The following ST8SIA2 variants were observed in gnomAD, a reference collection of about 807,000 sequenced individuals.
ST8SIA2 encodes ST8 alpha-N-acetyl-neuraminide alpha-2,8-sialyltransferase 2, also known as alpha-2,8-sialyltransferase 8B.
In ST8SIA2, 22 loss-of-function variants were observed where a neutral mutation model predicts 37.6. The ratio of observed to expected loss-of-function variants is 0.58; its 90% CI spans 0.42 to 0.83. The LOEUF is 0.83. Among genes scored for constraint, ST8SIA2 ranks in the 40% least tolerant of loss-of-function variants. The pLI is 0.00. For missense variants in ST8SIA2, 382 were observed against 484.7 expected (o/e 0.79, Z 1.99); for synonymous variants, 205 against 201.2 (o/e 1.02, Z -0.16).
At chr15:92,401,286 C>G (rs976987982) in intron 1 of ST8SIA2, among the ~76,000 whole-genome samples, 1 of 152,334 alleles carries the variant, frequency 6.6e-6, no homozygotes, top group South Asian at 2.1e-4. Context: ...CTGACCGCCC[C>G]TGGGCTTGCT....
chr15:92,423,944 G>A (rs1026873586), intron 1 of ST8SIA2, among the ~76,000 whole-genome samples: 1 of 152,234 alleles, frequency 6.6e-6, no homozygotes, highest in Non-Finnish European at 1.5e-5. Flanking sequence ...TTGTAGTCAT[G>A]TGACTGACCC....
chr15:92,425,467 C>T (rs1490921639), intron 1 of ST8SIA2, among the ~76,000 whole-genome samples: 2 of 152,210 alleles, frequency 1.3e-5, no homozygotes, highest in East Asian at 1.9e-4. Flanking sequence ...CTGTGCAAGG[C>T]TAAGAAAGTG....
chr15:92,408,320 C>A (rs2049523237), intron 1 of ST8SIA2, among the ~76,000 whole-genome samples: 1 of 152,024 alleles, frequency 6.6e-6, no homozygotes, highest in Non-Finnish European at 1.5e-5. Flanking sequence ...AGCTCCCTAC[C>A]TCTCTCTGGC....
intron 2 of ST8SIA2, among the ~76,000 whole-genome samples, chr15:92,431,401 A>G (rs2049714728): frequency 6.6e-6 from 1 of 152,184 alleles, no homozygotes; most frequent in African/African-American, 2.4e-5. Flanking sequence ...ATAATACTGC[A>G]GTGTCTTCTT....
At chr15:92,433,997 G>A (rs1046326550) in intron 2 of ST8SIA2, among the ~76,000 whole-genome samples, 1 of 152,052 alleles carries the variant, frequency 6.6e-6, no homozygotes, top group Non-Finnish European at 1.5e-5. Flanking sequence ...AATCACTAGG[G>A]GCAGGGGAAG....
At chr15:92,463,900 C>T (rs1206867979) in intron 5 of ST8SIA2, among the ~76,000 whole-genome samples, 200 bp from the exon 6 acceptor site, 3 of 151,906 alleles carry the variant, frequency 2.0e-5, no homozygotes, top group Non-Finnish European at 4.4e-5. Context: ...TGTCTGTGAC[C>T]GCATCCAGGC....
intron 1 of ST8SIA2, among the ~76,000 whole-genome samples, chr15:92,418,614 G>A (rs2049607084): frequency 6.6e-6 from 1 of 152,118 alleles, no homozygotes; most frequent in African/African-American, 2.4e-5. Flanking sequence ...TCCTGTCTGG[G>A]ACAAGAATGA....
intron 1 of ST8SIA2, among the ~76,000 whole-genome samples, chr15:92,427,725 T>G (rs1239176133): frequency 1.3e-5 from 2 of 152,208 alleles, no homozygotes; most frequent in African/African-American, 4.8e-5. Context: ...AGCTCCTCCC[T>G]GTAATCCCAG....
At chr15:92,446,682 A>G (rs1478323360) in intron 5 of ST8SIA2, among the ~76,000 whole-genome samples, 1 of 152,232 alleles carries the variant, frequency 6.6e-6, no homozygotes, top group Non-Finnish European at 1.5e-5. Context: ...ATACTTTTAA[A>G]TGGTGCTATC....
In ST8SIA2 at chr15:92,431,549, G is replaced by A. The variant is rs545825271; in HGVS notation, c.161+1438G>A. Among the ~76,000 whole-genome samples the A allele has an allele frequency of 2.2e-4, 33 of 152,206 alleles. No individual in the cohort carries two copies. The South Asian group carries it at 6.4e-3, about 30-fold the overall frequency. On this transcript the variant is annotated intron_variant, in intron 2 of 5. Transcript: ENST00000268164. Reference sequence around the variant, plus strand: ...TGGCATGAAAAGAAGGTCACTGGGAGTGAAGTTCAGGAGTCGGGAGGTGAA... The same window carrying A: ...TGGCATGAAAAGAAGGTCACTGGGAATGAAGTTCAGGAGTCGGGAGGTGAA...
At chr15:92,400,356 A>C (rs1375009461) in intron 1 of ST8SIA2, among the ~76,000 whole-genome samples, 1 of 152,208 alleles carries the variant, frequency 6.6e-6, no homozygotes, top group African/African-American at 2.4e-5. Context: ...AAGCCTATTA[A>C]ATATTTTTTG....
intron 1 of ST8SIA2, chr15:92,417,783 G>A (rs1027951489): frequency 3.3e-5 from 5 of 152,220 alleles, no homozygotes; most frequent in African/African-American, 4.8e-5. Context: ...AAGCAATGGC[G>A]GATTGCATGA....
At chr15:92,437,448 G>A (rs2049766744) in intron 3 of ST8SIA2, among the ~76,000 whole-genome samples, 2 of 152,100 alleles carry the variant, frequency 1.3e-5, no homozygotes, top group Non-Finnish European at 1.5e-5. Context: ...TAGATGATTC[G>A]ATTCGAGAAC....
chr15:92,430,146 G>A, intron 2 of ST8SIA2, 35 bp downstream of exon 2: 2 of 1,602,352 alleles, frequency 1.2e-6, no homozygotes, highest in African/African-American at 1.3e-5. Context: ...ATTTGTTTTT[G>A]CTGTAAGGCA....
intron 2 of ST8SIA2, among the ~76,000 whole-genome samples, chr15:92,432,254 G>A (rs2049721360): frequency 6.6e-6 from 1 of 152,182 alleles, no homozygotes; most frequent in Non-Finnish European, 1.5e-5. Flanking sequence ...TGCCTACTGA[G>A]GTAGGCTTCA....
chr15:92,432,587 G>A lies in ST8SIA2; in HGVS notation c.162-1660G>A, dbSNP rs867536635. ...ACCCAATGCGTCTTGCATGAAAACAGTAAAAATTCCAAAGGGTTAGGTCTT... is the reference window on the plus strand; with the variant it reads ...ACCCAATGCGTCTTGCATGAAAACAATAAAAATTCCAAAGGGTTAGGTCTT... On this transcript the variant is annotated intron_variant, in intron 2 of 5. Coordinates refer to ENST00000268164, the MANE Select transcript of ST8SIA2 (RefSeq NM_006011.4). Among the ~76,000 whole-genome samples, 12 of 152,296 alleles carry A rather than the reference G, an allele frequency of 7.9e-5. 1 individual carries two copies. Among genetic ancestry groups the A allele is most frequent in the Admixed American group, 6.5e-5 (1 of 15,296 alleles).
At chr15:92,408,862 T>C (rs552512533) in intron 1 of ST8SIA2, among the ~76,000 whole-genome samples, 28 of 152,120 alleles carry the variant, frequency 1.8e-4, no homozygotes, top group Non-Finnish European at 2.1e-4. Flanking sequence ...TGCGCCACCA[T>C]GCCCGGCTAA....
chr15:92,449,289 C>T (rs1056276006), intron 5 of ST8SIA2, among the ~76,000 whole-genome samples: 9 of 152,174 alleles, frequency 5.9e-5, no homozygotes, highest in African/African-American at 1.7e-4. Flanking sequence ...CTTAGGATTA[C>T]GGCCTCTAGT....
At chr15:92,432,550 T>G (rs965089288) in intron 2 of ST8SIA2, among the ~76,000 whole-genome samples, 18 of 152,186 alleles carry the variant, frequency 1.2e-4, no homozygotes, top group African/African-American at 4.1e-4. Flanking sequence ...GCTTATGAAA[T>G]CTTTCCACTG....
Sources: allele counts gnomAD v4.1 joint callset (sites outside exome capture counted in the v4.1 genomes callset), GRCh38; gene constraint gnomAD v4.1.1; transcripts MANE v1.5; gene names NCBI Gene and HGNC (gene_info 2026-07-23, HGNC 2026-07-21).